CPS1: variants seen among roughly 807,000 people sequenced by gnomAD.
CPS1 encodes carbamoyl-phosphate synthase 1.
Under a neutral mutation model 174.6 loss-of-function variants are expected in CPS1, and 109 were observed. That is an observed-to-expected ratio of 0.62 (90% CI 0.53 to 0.73). The LOEUF is 0.73. Ranked by LOEUF, CPS1 falls within the 30% of genes least tolerant of loss-of-function variation. The pLI, the probability that CPS1 is intolerant of heterozygous loss-of-function variation, is 0.00. For missense variants in CPS1, 1,689 were observed against 1,821.9 expected (o/e 0.93, Z 1.33); for synonymous variants, 637 against 632.0 (o/e 1.01, Z -0.12).
At chr2:210,562,089 G>T (rs1046175892) in intron 1 of CPS1, among the ~76,000 whole-genome samples, 1 of 151,998 alleles carries the variant, frequency 6.6e-6, no homozygotes, top group Non-Finnish European at 1.5e-5. Context: ...GCTCAGTAAG[G>T]CATATTAATA....
intron 1 of CPS1, among the ~76,000 whole-genome samples, chr2:210,529,964 A>G (rs1696076058): frequency 6.6e-6 from 1 of 152,072 alleles, no homozygotes; most frequent in African/African-American, 2.4e-5. Context: ...CTTCTTATGC[A>G]TTTCACGTTT....
At chr2:210,616,141 A>G (rs1319913494) in intron 20 of CPS1, among the ~76,000 whole-genome samples, 1 of 152,046 alleles carries the variant, frequency 6.6e-6, no homozygotes, top group Non-Finnish European at 1.5e-5. Context: ...GGGTAACACA[A>G]TCAAATAAAG....
rs146930967 is a variant in CPS1, at chr2:210,648,343, C to T, written c.3337-130C>T. On this transcript the variant is annotated intron_variant, in intron 26 of 37. Coordinates refer to ENST00000233072, the MANE Select transcript of CPS1 (RefSeq NM_001875.5). ...TAGGAATTTTATGTATTTCAGTGTC[C>T]AATTTACATTTAATGGTGCCTTTAG... 5.3e-3 allele frequency: 4,064 copies of T among 767,462 alleles called. 17 individuals carry two copies. The highest frequency in any genetic ancestry group is 7.3e-3 in the Non-Finnish European group (3,472 of 473,386). 47.5% of individuals were successfully genotyped at this position (767,462 alleles called of 1,614,324 possible).
intron 1 of CPS1, among the ~76,000 whole-genome samples, chr2:210,510,176 G>T (rs1695422075): frequency 6.6e-6 from 1 of 152,174 alleles, no homozygotes; most frequent in South Asian, 2.1e-4. Flanking sequence ...TACCAAAACA[G>T]AGATCTAGAC....
intron 34 of CPS1, among the ~76,000 whole-genome samples, chr2:210,669,523 G>T (rs1701224291): frequency 6.6e-6 from 1 of 152,026 alleles, no homozygotes; most frequent in African/African-American, 2.4e-5. Context: ...ATCTCATTAG[G>T]GTGTCTTAAT....
At chr2:210,642,193 C>T (rs545844038) in intron 24 of CPS1, among the ~76,000 whole-genome samples, 1 of 152,176 alleles carries the variant, frequency 6.6e-6, no homozygotes, top group African/African-American at 2.4e-5. Flanking sequence ...TTAAAATTAC[C>T]TCCCATTAAC....
upstream of CPS1, among the ~76,000 whole-genome samples, chr2:210,554,129 A>ATG (rs1696812546): frequency 7.3e-6 from 1 of 136,372 alleles, no homozygotes; most frequent in African/African-American, 2.6e-5. Flanking sequence ...ATGTATATAT[A>ATG]CATACATATA....
At position 210,606,761 on chromosome 2, in the gene CPS1, C is replaced by A. The variant is rs1045815741; in HGVS notation, c.2012C>A (p.Thr671Lys). The A allele has an allele frequency of 6.2e-7, 1 of 1,612,510 alleles. No individual in the cohort carries two copies. Among genetic ancestry groups the A allele is most frequent in the Non-Finnish European group, 8.5e-7 (1 of 1,179,038 alleles). The change falls in exon 18 of 38, where the codon ACA becomes AAA. Residue 671 changes from threonine (T) to lysine (K), a missense_variant. Thr to Lys is a moderately conservative substitution (Grantham distance 78). Transcript: ENST00000233072. Reference sequence around the variant, plus strand: ...TCAGTTGTTGTGGCTCCTGCCCAGACACTCTCCAATGCCGAGTTTCAGATG... The same window carrying A: ...TCAGTTGTTGTGGCTCCTGCCCAGAAACTCTCCAATGCCGAGTTTCAGATG... Reference protein sequence around the residue: ...GDSVVVAPAQTLSNAEFQMLR... With the variant: ...GDSVVVAPAQKLSNAEFQMLR...
intron 1 of CPS1, among the ~76,000 whole-genome samples, chr2:210,478,141 C>T (rs1163003953): frequency 1.3e-5 from 2 of 152,196 alleles, no homozygotes; most frequent in Non-Finnish European, 2.9e-5. Flanking sequence ...AGATTCTGTA[C>T]TTAATTTCCC....
chr2:210,677,924 G>T lies in CPS1; in HGVS notation c.4442G>T (p.Arg1481Leu), dbSNP rs755060253. 1 of 1,614,004 alleles carries T rather than the reference G, an allele frequency of 6.2e-7. No homozygotes were observed. The highest frequency in any genetic ancestry group is 8.5e-7 in the Non-Finnish European group (1 of 1,179,968). Residue 1481 changes from arginine (R) to leucine (L), a missense_variant, in exon 38 of 38, where the codon CGC becomes CTC. Coordinates refer to ENST00000233072, the MANE Select transcript of CPS1 (RefSeq NM_001875.5). ...KLFAEAVQKS[R>L]KVDSKSLFHY... The stretch of plus-strand genomic sequence containing the variant: ...TTTGCTGAAGCTGTGCAGAAATCTC[G>T]CAAGGTGGACTCCAAGAGTCTTTTC...
At chr2:210,585,451 A>G (rs917708196) in intron 6 of CPS1, among the ~76,000 whole-genome samples, 5 of 152,036 alleles carry the variant, frequency 3.3e-5, no homozygotes, top group African/African-American at 4.8e-5. Context: ...TTTCTTCTCA[A>G]TGCTTTACAC....
At position 210,678,038 on chromosome 2, in the gene CPS1, T is replaced by C. The variant is rs1293254221; in HGVS notation, c.*53T>C. 1 of 1,313,416 alleles carries C rather than the reference T, an allele frequency of 7.6e-7. No homozygotes were observed. The highest frequency in any genetic ancestry group is 1.1e-6 in the Non-Finnish European group (1 of 905,590). The allele number at this position is 1,313,416 out of a possible 1,614,324, so 81.4% of individuals were successfully genotyped here. A position where few individuals can be genotyped will look rare whatever the true frequency, so the allele number is the denominator to read the frequency against. ...AAATCAACCTGAGCCACATGTTATC[T>C]AAAGGAACTGATTCACAACTTTCTC... On this transcript the variant is annotated 3_prime_UTR_variant, in exon 38 of 38. Coordinates refer to ENST00000233072, the MANE Select transcript of CPS1 (RefSeq NM_001875.5).
At chr2:210,571,061 T>G (rs2106068332) in intron 1 of CPS1, among the ~76,000 whole-genome samples, 1 of 152,078 alleles carries the variant, frequency 6.6e-6, no homozygotes, top group South Asian at 2.1e-4. Context: ...CGAAGCTGAT[T>G]TCCTGGATAC....
At chr2:210,602,359 C>A (rs1019952632) in intron 16 of CPS1, 29 bp downstream of exon 16, 2 of 1,611,752 alleles carry the variant, frequency 1.2e-6, no homozygotes, top group African/African-American at 1.3e-5. Context: ...AATATTCTTA[C>A]CAACCAAAAA....
At chr2:210,486,656 A>G (rs2062199619) in intron 1 of CPS1, among the ~76,000 whole-genome samples, 1 of 152,174 alleles carries the variant, frequency 6.6e-6, no homozygotes, top group African/African-American at 2.4e-5. Context: ...GATTACAGGC[A>G]TGCACCACCA....
intron 1 of CPS1, among the ~76,000 whole-genome samples, chr2:210,492,288 G>T (rs1210797272): frequency 6.6e-6 from 1 of 152,124 alleles, no homozygotes; most frequent in East Asian, 1.9e-4. Flanking sequence ...GAAAGTAGAG[G>T]TTCCAAAATG....
At chr2:210,633,448 C>T (rs867096395) in intron 21 of CPS1, among the ~76,000 whole-genome samples, 2 of 152,196 alleles carry the variant, frequency 1.3e-5, no homozygotes, top group African/African-American at 4.8e-5. Context: ...AGGCAGAAGA[C>T]TTTGTATATT....
intron 1 of CPS1, among the ~76,000 whole-genome samples, chr2:210,511,020 C>T (rs1398026069): frequency 7.9e-5 from 12 of 152,122 alleles, no homozygotes; most frequent in Admixed American, 6.5e-5. Flanking sequence ...ACCCAGCCAT[C>T]CCATTACTGG....
Position 210,675,104 on chromosome 2 carries a change from T to C in CPS1, c.4161+143T>C. ...TAACTAACTTGGTAGTTTCAAAACT[T>C]AGAGTCAAATCATTAAAAAGACTGG... On this transcript the variant is annotated intron_variant, in intron 35 of 37. Transcript: ENST00000233072. The C allele has an allele frequency of 4.3e-6, 3 of 705,678 alleles. No individual in the cohort carries two copies. The Admixed American group carries it at 6.6e-5, about 15-fold the overall frequency. 43.7% of individuals were successfully genotyped at this position (705,678 alleles called of 1,614,324 possible). A position where few individuals can be genotyped will look rare whatever the true frequency, so the allele number is the denominator to read the frequency against.
Sources: gnomAD v4.1 joint callset for allele counts (sites outside exome capture counted in the v4.1 genomes callset) on GRCh38, gnomAD v4.1.1 for gene constraint, MANE v1.5 for transcripts, NCBI Gene and HGNC (gene_info 2026-07-23, HGNC 2026-07-21) for gene names.